COL13A1: variants seen among roughly 807,000 people sequenced by gnomAD.
The protein encoded by COL13A1 is collagen type XIII alpha 1 chain.
COL13A1 carries 89 observed loss-of-function variants against 130.9 expected under a neutral mutation model. The observed-to-expected ratio is 0.68, with a 90% confidence interval of 0.57 to 0.81. The LOEUF is 0.81. Among genes scored for constraint, COL13A1 ranks in the 30% least tolerant of loss-of-function variants. The pLI, the probability that COL13A1 is intolerant of heterozygous loss-of-function variation, is 0.00. For missense variants in COL13A1, 879 were observed against 934.6 expected, an observed-to-expected ratio of 0.94 and a Z score of 0.78; for synonymous variants, 402 against 341.6, an observed-to-expected ratio of 1.18 and a Z score of -1.95.
At chr10:69,825,834 C>A (rs1847352752) in intron 2 of COL13A1, among the ~76,000 whole-genome samples, 1 of 152,192 alleles carries the variant, frequency 6.6e-6, no homozygotes. Context: ...CTCCTGGGAT[C>A]CTCCCTGTCC....
rs568187007 is a variant in COL13A1, at chr10:69,894,462, G to A, written c.604-90G>A. 65 of 1,506,118 alleles carry A rather than the reference G, an allele frequency of 4.3e-5. No homozygotes were observed. In the South Asian group the frequency reaches 5.6e-4, roughly 13 times the overall value. The allele number at this position is 1,506,118 out of a possible 1,614,324, so 93.3% of individuals were successfully genotyped here. ...CCATGGCTGGTAGAGCCCAGCCTTC[G>A]GGATTCAGCCCCAATCCCCACCCAG... On this transcript the variant is annotated intron_variant, in intron 10 of 40. Transcript: ENST00000645393.
chr10:69,922,909 T>A, intron 23 of COL13A1, 115 bp downstream of exon 23: 1 of 642,786 alleles, frequency 1.6e-6, no homozygotes. Context: ...CTTCCCCTGC[T>A]CCAGATGTGT....
intron 1 of COL13A1, among the ~76,000 whole-genome samples, chr10:69,811,078 C>T (rs1842919256): frequency 6.6e-6 from 1 of 152,216 alleles, no homozygotes; most frequent in Non-Finnish European, 1.5e-5. Flanking sequence ...GTAGGCTGGG[C>T]CTCTGCCTCC....
chr10:69,822,329 C>T (rs371722880), intron 1 of COL13A1, 40 bp from the exon 2 acceptor site: 14 of 1,504,058 alleles, frequency 9.3e-6, no homozygotes, highest in African/African-American at 5.6e-5. Context: ...TTGGTGTCTA[C>T]GAGCTCCTGG....
At chr10:69,829,944 C>T (rs965690931) in intron 2 of COL13A1, among the ~76,000 whole-genome samples, 14 of 152,204 alleles carry the variant, frequency 9.2e-5, no homozygotes, top group Non-Finnish European at 1.2e-4. Context: ...CCCTCCTGGA[C>T]GCTGCTGATA....
At position 69,880,495 on chromosome 10, in the gene COL13A1, C is replaced by CT; in HGVS notation, c.463-8_463-7insT. The CT allele has an allele frequency of 6.3e-7, 1 of 1,594,734 alleles. No individual in the cohort carries two copies. The highest frequency in any genetic ancestry group is 1.3e-5 in the African/African-American group (1 of 74,752). ...TCGCTCCCTCTCCCCCTTCCTCTCT[C>CT]CCCGCAGGGGTCCCCCGGAGACGCT... On this transcript the variant is annotated splice_polypyrimidine_tract_variant and splice_region_variant and intron_variant, in intron 6 of 40. Coordinates refer to ENST00000645393, the MANE Select transcript of COL13A1 (RefSeq NM_001368882.1).
intron 36 of COL13A1, among the ~76,000 whole-genome samples, chr10:69,945,078 T>C (rs1261176081): frequency 6.6e-6 from 1 of 152,192 alleles, no homozygotes; most frequent in Non-Finnish European, 1.5e-5. Flanking sequence ...TGTGTCTTTC[T>C]ATATCAGCTC....
At chr10:69,855,053 C>T (rs1270858848) in intron 2 of COL13A1, among the ~76,000 whole-genome samples, 1 of 152,208 alleles carries the variant, frequency 6.6e-6, no homozygotes, top group Non-Finnish European at 1.5e-5. Context: ...TGTGATTTGA[C>T]CTTGGGCAAT....
intron 4 of COL13A1, among the ~76,000 whole-genome samples, chr10:69,873,534 C>A (rs1380011432): frequency 6.6e-6 from 1 of 152,208 alleles, no homozygotes; most frequent in African/African-American, 2.4e-5. Flanking sequence ...ACATAGTTTC[C>A]AGTCCCTGGC....
intron 39 of COL13A1, 35 bp from the exon 40 acceptor site, chr10:69,956,969 A>G: frequency 6.2e-7 from 1 of 1,601,404 alleles, no homozygotes; most frequent in Non-Finnish European, 8.6e-7. Flanking sequence ...CCATTGCAGG[A>G]AGTCTGAGCC....
chr10:69,897,540 G>T (rs1241650119), intron 13 of COL13A1: 1 of 1,613,766 alleles, frequency 6.2e-7, no homozygotes, highest in Non-Finnish European at 8.5e-7. Context: ...AGGTTTGTAG[G>T]TTCTGGAAGG....
intron 16 of COL13A1, 144 bp downstream of exon 16, chr10:69,905,103 C>G: frequency 1.1e-6 from 1 of 919,662 alleles, no homozygotes; most frequent in Non-Finnish European, 1.7e-6. Flanking sequence ...ACTTACAAAA[C>G]ACCACCCTTC....
chr10:69,875,121 T>A lies in COL13A1; in HGVS notation c.400-7T>A. ...CATCTGACTGTTTCTGCCTCCTTCA[T>A]CATCAGGGGGACAAAGGTGCCATTG... On this transcript the variant is annotated splice_polypyrimidine_tract_variant and splice_region_variant and intron_variant, in intron 4 of 40. Transcript: ENST00000645393. 1.2e-6 allele frequency: 2 copies of A among 1,613,970 alleles called. No individual in the cohort carries two copies. Among genetic ancestry groups the A allele is most frequent in the Non-Finnish European group, 1.7e-6 (2 of 1,179,880 alleles).
At position 69,930,533 on chromosome 10, in the gene COL13A1, C is replaced by G. The variant is rs747554923; in HGVS notation, c.1664C>G (p.Thr555Arg). The part of the protein sequence containing the change: ...SPGEKGEKGE[T>R]GQAGSPGEKG... ...GGAGAGAAGGGGGAAAAAGGGGAGACAGGACAAGCAGGCTCACCGGTGAGT... is the reference window on the plus strand; with the variant it reads ...GGAGAGAAGGGGGAAAAAGGGGAGAGAGGACAAGCAGGCTCACCGGTGAGT... The change falls in exon 30 of 41, where the codon ACA becomes AGA. Residue 555 changes from threonine (T) to arginine (R), a missense_variant. Transcript: ENST00000645393. 14 of 1,613,488 alleles carry G rather than the reference C, an allele frequency of 8.7e-6. No individual in the cohort carries two copies. In the Admixed American group the frequency reaches 1.8e-4, roughly 21 times the overall value.
At chr10:69,852,362 T>C (rs1448743903) in intron 2 of COL13A1, among the ~76,000 whole-genome samples, 1 of 152,234 alleles carries the variant, frequency 6.6e-6, no homozygotes, top group African/African-American at 2.4e-5. Flanking sequence ...TGTCAGGTAC[T>C]GATTTATCAT....
chr10:69,839,689 T>C (rs112878229), intron 2 of COL13A1, among the ~76,000 whole-genome samples: 10 of 152,360 alleles, frequency 6.6e-5, no homozygotes, highest in African/African-American at 2.4e-4. Context: ...GCATGCTGGT[T>C]AGCAGCAAAA....
chr10:69,932,044 G>GC (rs1394674909), intron 30 of COL13A1, among the ~76,000 whole-genome samples: 3 of 151,528 alleles, frequency 2.0e-5, no homozygotes, highest in Non-Finnish European at 4.4e-5. Context: ...CTGCGCCCCT[G>GC]CCCTCCCCAC....
intron 1 of COL13A1, among the ~76,000 whole-genome samples, chr10:69,810,387 A>AGAGAGG (rs1842737711): frequency 6.7e-6 from 1 of 149,408 alleles, no homozygotes; most frequent in Admixed American, 6.6e-5. Context: ...AGAGACAGAG[A>AGAGAGG]GTCTGTGTGG....
intron 1 of COL13A1, among the ~76,000 whole-genome samples, chr10:69,803,498 G>A (rs1236893819): frequency 2.0e-5 from 3 of 152,114 alleles, no homozygotes; most frequent in African/African-American, 4.8e-5. Flanking sequence ...AGGAAAGGCT[G>A]GGCCTTGACA....
Sources: gnomAD v4.1 joint callset for allele counts (sites outside exome capture counted in the v4.1 genomes callset) on GRCh38, gnomAD v4.1.1 for gene constraint, MANE v1.5 for transcripts, NCBI Gene and HGNC (gene_info 2026-07-23, HGNC 2026-07-21) for gene names.